INTS6: variants seen among roughly 807,000 people sequenced by gnomAD.
INTS6 encodes the protein DEAD box protein.
A neutral mutation model predicts 104.9 loss-of-function variants in INTS6; 16 were observed. The observed-to-expected ratio is 0.15, with a 90% CI of 0.10 to 0.23. The LOEUF (loss-of-function observed/expected upper bound fraction) is 0.23. Ranked by LOEUF, INTS6 falls within the 10% of genes least tolerant of loss-of-function variation. INTS6 has a pLI of 1.00. For missense variants in INTS6, 584 were observed against 1,062.8 expected (o/e 0.55, Z 6.26); for synonymous variants, 324 against 358.7 (o/e 0.90, Z 1.09).
the INTS6 span, chr13:51,348,242 G>T: frequency 6.2e-7 from 1 of 1,601,000 alleles, no homozygotes; most frequent in Admixed American, 1.7e-5. Context: ...AGGCCATCAG[G>T]TGGGGGTGCT....
At chr13:51,370,371 C>T (rs758471719) in intron 15 of INTS6, among the ~76,000 whole-genome samples, 1 of 152,212 alleles carries the variant, frequency 6.6e-6, no homozygotes, top group East Asian at 1.9e-4. Context: ...ATGCCATTCA[C>T]GCTGTCTCTC....
chr13:51,359,512 A>G (rs546926033), downstream of INTS6, among the ~76,000 whole-genome samples: 20 of 152,254 alleles, frequency 1.3e-4, no homozygotes, highest in African/African-American at 4.1e-4. Flanking sequence ...AACTGTTTAA[A>G]TGAAACTCTT....
At chr13:51,429,550 G>A (rs1957046066) in intron 4 of INTS6, among the ~76,000 whole-genome samples, 1 of 151,708 alleles carries the variant, frequency 6.6e-6, no homozygotes, top group African/African-American at 2.4e-5. Flanking sequence ...TGGATCCTGA[G>A]GTCAGGAGTT....
chr13:51,451,745 C>CGCCGCT (rs1555293056), intron 2 of INTS6, among the ~76,000 whole-genome samples: 1 of 149,888 alleles, frequency 6.7e-6, no homozygotes, highest in Non-Finnish European at 1.5e-5. Context: ...CCGCCGCCGC[C>CGCCGCT]GCTGCCGGGC....
the INTS6 span, among the ~76,000 whole-genome samples, chr13:51,337,069 C>T: frequency 1.3e-5 from 2 of 152,226 alleles, no homozygotes; most frequent in Non-Finnish European, 2.9e-5. Flanking sequence ...GCTGGGCTAC[C>T]TTGCATTGCC....
chr13:51,357,518 G>A (rs1033513012), downstream of INTS6, among the ~76,000 whole-genome samples: 4 of 151,912 alleles, frequency 2.6e-5, no homozygotes, highest in East Asian at 1.9e-4. Flanking sequence ...TTGGCCTTTC[G>A]GTCCCAAAGC....
At position 51,383,325 on chromosome 13, in the gene INTS6, T is replaced by C. The variant is rs1348889027; in HGVS notation, c.1180+4A>G. ...CCAAGGAGAAAGTGACAAGAATGAC[T>C]TACCTAAGAGGGGAAGAAGGACTGG... On this transcript the variant is annotated splice_donor_region_variant and intron_variant, in intron 9 of 17. Transcript: ENST00000311234. The C allele has an allele frequency of 6.3e-7, 1 of 1,598,188 alleles. No individual in the cohort carries two copies. The highest frequency in any genetic ancestry group is 1.1e-5 in the South Asian group (1 of 87,852).
At chr13:51,442,749 C>CT (rs1952822028) in intron 3 of INTS6, 1 of 152,192 alleles carries the variant, frequency 6.6e-6, no homozygotes, top group South Asian at 2.1e-4. Context: ...CTATGAGACT[C>CT]TAACGCCTGA....
intron 4 of INTS6, chr13:51,421,271 C>T: frequency 1.0e-6 from 1 of 985,700 alleles, no homozygotes; most frequent in South Asian, 4.7e-5. Context: ...CCTGAGGCAC[C>T]AGTCATCATG....
At chr13:51,423,907 CA>C (rs1326191957) in intron 4 of INTS6, among the ~76,000 whole-genome samples, 1 of 151,990 alleles carries the variant, frequency 6.6e-6, no homozygotes, top group Non-Finnish European at 1.5e-5. Context: ...GACTGTACAT[CA>C]GAATCACATG....
chr13:51,361,513 C>CA (rs71785351), downstream of INTS6: 3 of 625,328 alleles, frequency 4.8e-6, no homozygotes, highest in Non-Finnish European at 8.3e-6. Flanking sequence ...CTAAAGAAAA[C>CA]AAAAAGTTTT....
chr13:51,450,879 G>A, intron 3 of INTS6, 146 bp downstream of exon 3: 1 of 1,284,454 alleles, frequency 7.8e-7, no homozygotes, highest in Non-Finnish European at 9.9e-7. Flanking sequence ...AGTAGGGTAA[G>A]AGTTTTGCCT....
rs1955630731 is a variant in INTS6, at chr13:51,363,743, T to C, written c.*2009A>G. On this transcript the variant is annotated 3_prime_UTR_variant, in exon 18 of 18. Transcript: ENST00000311234. Reference sequence around the variant, plus strand: ...ATATTAACCTTTAGTTCTGATAGGTTTCAAACCCTCCTGACCAGGTTTTAG... The same window carrying C: ...ATATTAACCTTTAGTTCTGATAGGTCTCAAACCCTCCTGACCAGGTTTTAG... 1 of 151,900 alleles carries C rather than the reference T, an allele frequency of 6.6e-6. No homozygotes were observed. The highest frequency in any genetic ancestry group is 1.9e-4 in the East Asian group (1 of 5,188). The allele number at this position is 151,900 out of a possible 1,614,324, so 9.4% of individuals were successfully genotyped here.
chr13:51,396,479 A>G (rs980985691), intron 4 of INTS6, among the ~76,000 whole-genome samples: 12 of 152,342 alleles, frequency 7.9e-5, no homozygotes, highest in Middle Eastern at 3.4e-3. Context: ...GGGCCCTTCT[A>G]TACCAACAGA....
intron 4 of INTS6, among the ~76,000 whole-genome samples, chr13:51,396,802 T>TA (rs1956347962): frequency 6.6e-6 from 1 of 152,008 alleles, no homozygotes. Flanking sequence ...ATCAGTGGCA[T>TA]AAAAAAGCAA....
chr13:51,405,846 A>T (rs1956552771), intron 4 of INTS6, among the ~76,000 whole-genome samples: 1 of 152,172 alleles, frequency 6.6e-6, no homozygotes, highest in Non-Finnish European at 1.5e-5. Context: ...TTATGTAACA[A>T]ACTCACAAAT....
At position 51,452,913 on chromosome 13, in the gene INTS6, G is replaced by GA; in HGVS notation, c.-389dup. On this transcript the variant is annotated 5_prime_UTR_variant, in exon 1 of 18. Transcript: ENST00000311234. The surrounding 1 kb of genome is among the most constrained non-coding windows in gnomAD (Gnocchi z 4.2). ...CCCCGGTACAGGAGTGGGGACCTGG[G>GA]AGCTGGCGAAGAGGGGAGTGGGCTG... 1 of 1,085,530 alleles carries GA rather than the reference G, an allele frequency of 9.2e-7. No homozygotes were observed. The highest frequency in any genetic ancestry group is 1.1e-6 in the Non-Finnish European group (1 of 890,536). The allele number at this position is 1,085,530 out of a possible 1,614,324, so 67.2% of individuals were successfully genotyped here.
Position 51,451,182 on chromosome 13 carries a change from G to T in INTS6, c.190-8C>A. The stretch of plus-strand genomic sequence containing the variant: ...GTTTTCTTTCCATCCAGCCTGAAAA[G>T]AAAAATGTAAGATTTTTTTTTTTCA... On this transcript the variant is annotated splice_region_variant and splice_polypyrimidine_tract_variant and intron_variant, in intron 2 of 17. Transcript: ENST00000311234. 2.0e-6 allele frequency: 3 copies of T among 1,537,078 alleles called. No individual in the cohort carries two copies. The highest frequency in any genetic ancestry group is 4.6e-5 in the East Asian group (2 of 43,276).
At position 51,363,725 on chromosome 13, in the gene INTS6, C is replaced by T. The variant is rs1165540709; in HGVS notation, c.*2027G>A. ...AAGCCTGAGGGAGATGAGATATTAA[C>T]CTTTAGTTCTGATAGGTTTCAAACC... is the stretch of plus-strand genomic sequence containing the variant. On this transcript the variant is annotated 3_prime_UTR_variant, in exon 18 of 18. Transcript: ENST00000311234. 6.6e-6 allele frequency: 1 copy of T among 151,556 alleles called. No individual in the cohort carries two copies. The highest frequency in any genetic ancestry group is 1.5e-5 in the Non-Finnish European group (1 of 67,814). The allele number at this position is 151,556 out of a possible 1,614,324, so 9.4% of individuals were successfully genotyped here.
Sources: gnomAD v4.1 joint callset for allele counts (sites outside exome capture counted in the v4.1 genomes callset) on GRCh38, gnomAD v4.1.1 for gene constraint, Gnocchi (gnomAD v3.1) non-coding constraint, MANE v1.5 for transcripts, NCBI Gene and HGNC (gene_info 2026-07-23, HGNC 2026-07-21) for gene names.